BACH2: variants seen among roughly 807,000 people sequenced by gnomAD.
BACH2 encodes transcription regulator protein BACH2.
A neutral mutation model predicts 61.8 loss-of-function variants in BACH2; 5 were observed. The ratio of observed to expected loss-of-function variants is 0.08; its 90% confidence interval spans 0.04 to 0.17. The LOEUF is 0.17. Among genes scored for constraint, BACH2 ranks in the 10% least tolerant of loss-of-function variants. BACH2 has a pLI of 1.00. For missense variants in BACH2, 824 were observed against 1,091.1 expected, an observed-to-expected ratio of 0.76 and a Z score of 3.45; for synonymous variants, 446 against 440.1, an observed-to-expected ratio of 1.01 and a Z score of -0.17.
chr6:90,190,218 T>C (rs1725456385), intron 4 of BACH2, among the ~76,000 whole-genome samples: 1 of 152,198 alleles, frequency 6.6e-6, no homozygotes, highest in African/African-American at 2.4e-5. Flanking sequence ...GGTGGGATTA[T>C]AGGCGTGAGC....
At position 90,096,958 on chromosome 6, in the gene BACH2, T is replaced by C. The variant is rs1782405969; in HGVS notation, c.-161-7849A>G. Among the ~76,000 whole-genome samples the C allele has an allele frequency of 1.3e-5, 2 of 152,230 alleles. 1 individual carries two copies. Among genetic ancestry groups the C allele is most frequent in the South Asian group, 4.1e-4 (2 of 4,830 alleles). ...TTCAGATAATCTGGGGCCACGGCCT[T>C]GGGTTCCATCACACCCATAACCATG... is the stretch of plus-strand genomic sequence containing the variant. On this transcript the variant is annotated intron_variant, in intron 4 of 8. Transcript: ENST00000257749.
chr6:90,211,924 C>T (rs994430484), intron 3 of BACH2, among the ~76,000 whole-genome samples: 18 of 152,186 alleles, frequency 1.2e-4, no homozygotes, highest in Admixed American at 6.5e-4. Flanking sequence ...TTCCCACCAC[C>T]ACGCCCAGCA....
intron 4 of BACH2, among the ~76,000 whole-genome samples, chr6:90,200,923 C>T (rs183614570): frequency 6.6e-6 from 1 of 152,216 alleles, no homozygotes; most frequent in African/African-American, 2.4e-5. Flanking sequence ...AGATAATGCT[C>T]ATAATATGTT....
intron 5 of BACH2, among the ~76,000 whole-genome samples, chr6:90,082,889 G>A (rs1317888395): frequency 6.6e-6 from 1 of 152,164 alleles, no homozygotes; most frequent in Non-Finnish European, 1.5e-5. Context: ...CTGATGACAA[G>A]TAAGGCACAG....
chr6:90,136,161 G>A (rs1408948005), intron 4 of BACH2, among the ~76,000 whole-genome samples: 4 of 152,276 alleles, frequency 2.6e-5, no homozygotes, highest in African/African-American at 7.2e-5. Context: ...GTGACTCTGC[G>A]CTGTTTTGTT....
At chr6:90,254,945 A>G (rs1770929419) in intron 2 of BACH2, among the ~76,000 whole-genome samples, 1 of 152,190 alleles carries the variant, frequency 6.6e-6, no homozygotes, top group South Asian at 2.1e-4. Flanking sequence ...GCCTCCATTA[A>G]CGCTCCAAAA....
At position 89,950,215 on chromosome 6, in the gene BACH2, C is replaced by G; in HGVS notation, c.1836+55G>C. ...GAGTGGTGGGGGGCAGGGAGTAGTC[C>G]AGATAAAGGGCCTAGAGAGTGGGTC... On this transcript the variant is annotated intron_variant, in intron 7 of 8. Coordinates refer to ENST00000257749, the MANE Select transcript of BACH2 (RefSeq NM_021813.4). This position sits in a 1 kb window ranked among gnomAD's most constrained non-coding sequence, Gnocchi z 5.3. 1 of 1,597,816 alleles carries G rather than the reference C, an allele frequency of 6.3e-7. No homozygotes were observed.
intron 4 of BACH2, among the ~76,000 whole-genome samples, chr6:90,098,067 C>G (rs951127217): frequency 6.6e-6 from 1 of 152,154 alleles, no homozygotes; most frequent in Non-Finnish European, 1.5e-5. Context: ...CACAGCCTTC[C>G]ACGCCTCCTC....
At chr6:90,213,731 CCAAATACCCAGCA>C (rs1461099127) in intron 3 of BACH2, among the ~76,000 whole-genome samples, 2 of 152,046 alleles carry the variant, frequency 1.3e-5, no homozygotes, top group African/African-American at 4.8e-5. Flanking sequence ...GTACTAGTAC[CCAAATACCCAGCA>C]CCTATCCCGC....
chr6:89,936,711 A>C (rs987955079), intron 8 of BACH2, among the ~76,000 whole-genome samples: 5 of 150,976 alleles, frequency 3.3e-5, no homozygotes, highest in African/African-American at 4.9e-5. Context: ...AGAAACCCAC[A>C]AAACAACAAC....
intron 4 of BACH2, among the ~76,000 whole-genome samples, chr6:90,114,776 C>G (rs757149904): frequency 6.6e-6 from 1 of 152,144 alleles, no homozygotes; most frequent in Non-Finnish European, 1.5e-5. Flanking sequence ...CCTATAGTCT[C>G]GGCCCAAAAG....
At chr6:89,992,921 C>T (rs1468091025) in intron 6 of BACH2, among the ~76,000 whole-genome samples, 2 of 152,154 alleles carry the variant, frequency 1.3e-5, no homozygotes, top group Non-Finnish European at 2.9e-5. Context: ...GAGGCAGGGC[C>T]TTTACAAAGG....
intron 5 of BACH2, among the ~76,000 whole-genome samples, chr6:90,009,135 GAACATTTAA>G (rs1451070634): frequency 5.4e-5 from 8 of 148,328 alleles, no homozygotes; most frequent in African/African-American, 1.4e-4. Flanking sequence ...TCTTTTAATA[GAACATTTAA>G]AACATTTAAA....
chr6:90,274,087 A>T (rs1368608955), intron 1 of BACH2, among the ~76,000 whole-genome samples: 1 of 152,204 alleles, frequency 6.6e-6, no homozygotes, highest in Non-Finnish European at 1.5e-5. Flanking sequence ...AGACTGAATA[A>T]ACGAAAACCT....
intron 5 of BACH2, among the ~76,000 whole-genome samples, chr6:90,056,180 T>C (rs1006747531): frequency 8.5e-5 from 13 of 152,214 alleles, no homozygotes; most frequent in East Asian, 3.9e-4. Flanking sequence ...GACTGGCAAA[T>C]TGGATAAAGA....
At chr6:90,016,641 A>G (rs1778079726) in intron 5 of BACH2, among the ~76,000 whole-genome samples, 1 of 152,098 alleles carries the variant, frequency 6.6e-6, no homozygotes, top group Admixed American at 6.6e-5. Flanking sequence ...TATTGTCATT[A>G]CTTTTGTTTA....
intron 6 of BACH2, among the ~76,000 whole-genome samples, chr6:89,994,922 C>A (rs1156618691): frequency 6.6e-6 from 1 of 152,204 alleles, no homozygotes; most frequent in Non-Finnish European, 1.5e-5. Flanking sequence ...TTCGTATGTA[C>A]ACACCACTTG....
intron 6 of BACH2, among the ~76,000 whole-genome samples, chr6:89,996,818 T>C (rs1039659043): frequency 8.5e-5 from 13 of 152,348 alleles, no homozygotes; most frequent in East Asian, 7.7e-4. Context: ...TTGATTTCTA[T>C]GTTTTTCTTT....
At chr6:90,155,993 T>A (rs559697341) in intron 4 of BACH2, among the ~76,000 whole-genome samples, 1 of 152,234 alleles carries the variant, frequency 6.6e-6, no homozygotes, top group Non-Finnish European at 1.5e-5. Context: ...AGAGATTTTT[T>A]TTCCCCAATG....
Sources: allele counts gnomAD v4.1 joint callset (sites outside exome capture counted in the v4.1 genomes callset), GRCh38; gene constraint gnomAD v4.1.1; non-coding constraint Gnocchi (gnomAD v3.1); transcripts MANE v1.5; gene names NCBI Gene and HGNC (gene_info 2026-07-23, HGNC 2026-07-21).